USP28: variants seen among roughly 807,000 people sequenced by gnomAD.
USP28 encodes the protein ubiquitin carboxyl-terminal hydrolase 28.
A neutral mutation model predicts 145.0 loss-of-function variants in USP28; 113 were observed. That is an observed-to-expected ratio of 0.78 (90% CI 0.67 to 0.91). The LOEUF is 0.91. Among genes scored for constraint, USP28 ranks in the 40% least tolerant of loss-of-function variants. The pLI is 0.00. For missense variants in USP28, 1,201 were observed against 1,289.6 expected, an observed-to-expected ratio of 0.93 and a Z score of 1.05; for synonymous variants, 447 against 450.9, an observed-to-expected ratio of 0.99 and a Z score of 0.11.
chr11:113,830,946 G>A lies in USP28; in HGVS notation c.834-3C>T. 2.5e-6 allele frequency: 4 copies of A among 1,613,842 alleles called. No individual in the cohort carries two copies. The highest frequency in any genetic ancestry group is 3.4e-6 in the Non-Finnish European group (4 of 1,179,850). On this transcript the variant is annotated splice_region_variant and splice_polypyrimidine_tract_variant and intron_variant, in intron 8 of 24. Transcript: ENST00000003302. The stretch of plus-strand genomic sequence containing the variant: ...TTTCAGATTTGTTCCTGGGACTGCT[G>A]CTTTTAGGAAAAGGAGACAATTCTG...
intron 12 of USP28, among the ~76,000 whole-genome samples, chr11:113,822,256 C>G (rs1591252321): frequency 6.6e-6 from 1 of 152,100 alleles, no homozygotes; most frequent in Non-Finnish European, 1.5e-5. Flanking sequence ...TCAAGACCAG[C>G]CTGGCCAACA....
chr11:113,860,016 A>C (rs954054782), intron 1 of USP28, among the ~76,000 whole-genome samples: 3 of 152,208 alleles, frequency 2.0e-5, no homozygotes, highest in Non-Finnish European at 4.4e-5. Context: ...CTTAGAGCAA[A>C]AACAACTCAC....
intron 1 of USP28, among the ~76,000 whole-genome samples, chr11:113,865,173 C>T (rs901878969): frequency 3.3e-5 from 5 of 152,136 alleles, no homozygotes; most frequent in African/African-American, 7.2e-5. Flanking sequence ...GGCAATACTA[C>T]TCAAAGCAAT....
exon 12 of USP28, chr11:113,823,698 T>C (rs766014194): frequency 8.7e-6 from 14 of 1,600,248 alleles, no homozygotes; most frequent in African/African-American, 4.0e-5. Flanking sequence ...CCTGTACATG[T>C]ACCTAAGTAA....
chr11:113,841,787 T>C lies in USP28; in HGVS notation c.269-19A>G, dbSNP rs762175195. On this transcript the variant is annotated intron_variant, in intron 3 of 24. Coordinates refer to ENST00000003302, the Ensembl canonical transcript of USP28. ...ATAACTTCTGTAAGATAAACAGAAA[T>C]TTAATTAGTCTATATATAGGAAACA... The C allele has an allele frequency of 6.4e-7, 1 of 1,561,662 alleles. No individual in the cohort carries two copies. The highest frequency in any genetic ancestry group is 1.1e-5 in the South Asian group (1 of 88,522).
chr11:113,820,975 C>A, intron 12 of USP28: 1 of 169,772 alleles, frequency 5.9e-6, no homozygotes, highest in South Asian at 1.4e-4. Context: ...CCCAGATGTC[C>A]CAATTCAGCA....
At chr11:113,858,825 G>T (rs1483300771) in intron 1 of USP28, among the ~76,000 whole-genome samples, 1 of 152,142 alleles carries the variant, frequency 6.6e-6, no homozygotes, top group South Asian at 2.1e-4. Flanking sequence ...GGCCAGGCTG[G>T]TCCCAAACTC....
At chr11:113,821,058 G>T in intron 12 of USP28, 2 of 233,252 alleles carry the variant, frequency 8.6e-6, no homozygotes, top group South Asian at 1.4e-4. Context: ...GGGAGGAGAA[G>T]GGGGATATGG....
At chr11:113,820,128 G>C (rs1942382186) in intron 12 of USP28, among the ~76,000 whole-genome samples, 1 of 152,184 alleles carries the variant, frequency 6.6e-6, no homozygotes, top group South Asian at 2.1e-4. Context: ...AAATGAGTTA[G>C]AAACACTTTA....
intron 8 of USP28, 161 bp from the exon 9 acceptor site, chr11:113,831,104 A>G: frequency 1.6e-6 from 1 of 640,396 alleles, no homozygotes; most frequent in Non-Finnish European, 2.8e-6. Flanking sequence ...TCAAATATTT[A>G]TTGAACACCT....
At position 113,829,044 on chromosome 11, in the gene USP28, G is replaced by A. The variant is rs1173773593; in HGVS notation, c.1059+153C>T. 8.4e-6 allele frequency: 8 copies of A among 956,172 alleles called. No homozygotes were observed. In the East Asian group the frequency reaches 1.8e-4, roughly 21 times the overall value. 59.2% of individuals were successfully genotyped at this position (956,172 alleles called of 1,614,324 possible). ...ATTTATCAAAGTACTGATACTCACTGACTCACATCAACTGATGAGAGACTT... is the reference window on the plus strand; with the variant it reads ...ATTTATCAAAGTACTGATACTCACTAACTCACATCAACTGATGAGAGACTT... On this transcript the variant is annotated intron_variant, in intron 10 of 24. Transcript: ENST00000003302.
rs894791067 is a variant in USP28, at chr11:113,831,997, T to A, written c.760-4A>T. ...GTGTGAATTCACTCACATCTTGCTATAAGAGAGGCACAAATTGCATAAAAG... is the reference window on the plus strand; with the variant it reads ...GTGTGAATTCACTCACATCTTGCTAAAAGAGAGGCACAAATTGCATAAAAG... On this transcript the variant is annotated splice_region_variant and splice_polypyrimidine_tract_variant and intron_variant, in intron 7 of 24. Coordinates refer to ENST00000003302, the Ensembl canonical transcript of USP28. 6.2e-7 allele frequency: 1 copy of A among 1,611,876 alleles called. No individual in the cohort carries two copies.
intron 7 of USP28, among the ~76,000 whole-genome samples, chr11:113,832,513 T>C (rs527619713): frequency 6.6e-6 from 1 of 152,286 alleles, no homozygotes; most frequent in South Asian, 2.1e-4. Context: ...CTGAAAGTTG[T>C]AGCTAGAAGG....
chr11:113,826,745 C>A (rs1309222773), intron 11 of USP28, among the ~76,000 whole-genome samples: 5 of 151,820 alleles, frequency 3.3e-5, no homozygotes, highest in African/African-American at 9.7e-5. Context: ...CATGGAGAAA[C>A]CCCGTCTCTA....
At chr11:113,858,422 T>C (rs1181727853) in intron 1 of USP28, among the ~76,000 whole-genome samples, 2 of 152,168 alleles carry the variant, frequency 1.3e-5, no homozygotes, top group African/African-American at 4.8e-5. Context: ...TAAACTATGG[T>C]ATGCCAACTA....
At chr11:113,828,967 C>G in intron 10 of USP28, 2 of 669,268 alleles carry the variant, frequency 3.0e-6, no homozygotes, top group Non-Finnish European at 5.4e-6. Context: ...ACATCAGAAG[C>G]AGCATACAAC....
At chr11:113,840,009 T>C (rs1247420554) in intron 5 of USP28, among the ~76,000 whole-genome samples, 1 of 151,968 alleles carries the variant, frequency 6.6e-6, no homozygotes. Flanking sequence ...AGACACTGTG[T>C]CAGAAAGAAA....
intron 1 of USP28, among the ~76,000 whole-genome samples, chr11:113,861,230 G>C (rs749216799): frequency 3.3e-5 from 5 of 151,824 alleles, no homozygotes; most frequent in Non-Finnish European, 7.4e-5. Context: ...TATTTTTTCA[G>C]TTTTTCTTCC....
chr11:113,809,017 G>C, intron 17 of USP28, 46 bp downstream of exon 17: 1 of 1,585,826 alleles, frequency 6.3e-7, no homozygotes. Flanking sequence ...GGGGAGTACA[G>C]CATGAGATGT....
Sources: gnomAD v4.1 joint callset for allele counts (sites outside exome capture counted in the v4.1 genomes callset) on GRCh38, gnomAD v4.1.1 for gene constraint, MANE v1.5 for transcripts, NCBI Gene and HGNC (gene_info 2026-07-23, HGNC 2026-07-21) for gene names.